The following ELP3 variants were observed in gnomAD, a reference collection of about 807,000 sequenced individuals.
ELP3 encodes the protein elongator complex protein 3.
Under a neutral mutation model 74.9 loss-of-function variants are expected in ELP3, and 56 were observed. The ratio of observed to expected loss-of-function variants is 0.75; its 90% CI spans 0.60 to 0.93. The LOEUF is 0.93. Among genes scored for constraint, ELP3 ranks in the 40% least tolerant of loss-of-function variants. ELP3 has a pLI of 0.00. For synonymous variants in ELP3, 222 were observed against 239.8 expected (o/e 0.93, Z 0.68); for missense variants, 573 against 686.5 (o/e 0.83, Z 1.85).
intron 13 of ELP3, among the ~76,000 whole-genome samples, chr8:28,160,697 G>A (rs1814041677): frequency 6.6e-6 from 1 of 152,128 alleles, no homozygotes; most frequent in Admixed American, 6.6e-5. Context: ...TGAACCACAT[G>A]GAATTGGTTT....
At chr8:28,182,451 C>T (rs1487362211) in intron 14 of ELP3, among the ~76,000 whole-genome samples, 1 of 152,142 alleles carries the variant, frequency 6.6e-6, no homozygotes, top group African/African-American at 2.4e-5. Context: ...ATCCCAGGTA[C>T]TCTGGAGGCT....
intron 11 of ELP3, among the ~76,000 whole-genome samples, chr8:28,156,877 A>G (rs1374184334): frequency 6.6e-6 from 1 of 152,178 alleles, no homozygotes; most frequent in Non-Finnish European, 1.5e-5. Flanking sequence ...ATGTTTCAGA[A>G]GATTGTTCAG....
intron 14 of ELP3, among the ~76,000 whole-genome samples, chr8:28,183,998 G>A (rs1330761836): frequency 6.6e-6 from 1 of 152,188 alleles, no homozygotes; most frequent in Non-Finnish European, 1.5e-5. Flanking sequence ...TTTCTTGGCT[G>A]GCTAACAAAA....
At chr8:28,118,992 C>T (rs960789167) in intron 7 of ELP3, 2 of 150,096 alleles carry the variant, frequency 1.3e-5, no homozygotes, top group South Asian at 2.2e-4. Context: ...AAGACAATTT[C>T]GTAGACTTGC....
intron 3 of ELP3, among the ~76,000 whole-genome samples, chr8:28,101,896 T>C (rs1372889248): frequency 6.6e-6 from 1 of 152,160 alleles, no homozygotes; most frequent in Non-Finnish European, 1.5e-5. Flanking sequence ...GGCCGACTTT[T>C]TAGAGTTAAG....
At chr8:28,177,347 T>G (rs3857878) in intron 14 of ELP3, among the ~76,000 whole-genome samples, 5 of 152,088 alleles carry the variant, frequency 3.3e-5, no homozygotes, top group African/African-American at 1.2e-4. Context: ...TGTACATTGT[T>G]GAAGAGTAAA....
chr8:28,104,388 G>C lies in ELP3; in HGVS notation c.259-2325G>C, dbSNP rs576262487. Among the ~76,000 whole-genome samples the C allele has an allele frequency of 4.6e-5, 7 of 152,256 alleles. No homozygotes were observed. In the South Asian group the frequency reaches 1.5e-3, roughly 32 times the overall value. Reference sequence around the variant, plus strand: ...TGAGTTTGTATTTGAGTTCGTGTTTGTGTTCTTGAAACACCATGGTTGTTA... The same window carrying C: ...TGAGTTTGTATTTGAGTTCGTGTTTCTGTTCTTGAAACACCATGGTTGTTA... On this transcript the variant is annotated intron_variant, in intron 3 of 14. Transcript: ENST00000256398.
chr8:28,134,798 A>G (rs530596394), intron 9 of ELP3, among the ~76,000 whole-genome samples: 8 of 152,044 alleles, frequency 5.3e-5, no homozygotes, highest in Non-Finnish European at 1.2e-4. Context: ...TTTTTTTTAT[A>G]CATTTTATTT....
At chr8:28,122,000 T>G (rs1158798960) in intron 7 of ELP3, among the ~76,000 whole-genome samples, 1 of 152,258 alleles carries the variant, frequency 6.6e-6, no homozygotes, top group African/African-American at 2.4e-5. Flanking sequence ...TTAGATTGAA[T>G]AAGTTTATTG....
At chr8:28,179,035 G>A (rs1024825422) in intron 14 of ELP3, among the ~76,000 whole-genome samples, 1 of 152,132 alleles carries the variant, frequency 6.6e-6, no homozygotes, top group Non-Finnish European at 1.5e-5. Flanking sequence ...ACTTATACTC[G>A]GATTTCTTTC....
chr8:28,135,164 G>A (rs1482797606), intron 9 of ELP3, among the ~76,000 whole-genome samples: 3 of 151,990 alleles, frequency 2.0e-5, no homozygotes, highest in Non-Finnish European at 4.4e-5. Context: ...TTCTGACCTC[G>A]TGATCCGCCC....
intron 14 of ELP3, among the ~76,000 whole-genome samples, chr8:28,184,991 T>G (rs1207038703): frequency 6.6e-6 from 1 of 150,778 alleles, no homozygotes; most frequent in African/African-American, 2.4e-5. Context: ...AAGAGAGAGA[T>G]CTCCTGGGTG....
intron 11 of ELP3, among the ~76,000 whole-genome samples, chr8:28,157,186 A>C (rs1347180979): frequency 3.3e-5 from 5 of 151,808 alleles, no homozygotes; most frequent in Non-Finnish European, 7.4e-5. Flanking sequence ...ATTGAGTCCA[A>C]AGGCTGGAAT....
intron 14 of ELP3, among the ~76,000 whole-genome samples, chr8:28,170,282 G>C (rs1814468478): frequency 6.6e-6 from 1 of 152,208 alleles, no homozygotes; most frequent in South Asian, 2.1e-4. Context: ...CCATTGCTTT[G>C]TGATTAGTAG....
chr8:28,160,673 GGAACATAACAGATT>G (rs1480431321), intron 13 of ELP3, among the ~76,000 whole-genome samples: 2 of 152,176 alleles, frequency 1.3e-5, no homozygotes, highest in Non-Finnish European at 1.5e-5. Context: ...TCAGTCAGTT[GGAACATAACAGATT>G]GAACCACATG....
intron 13 of ELP3, 111 bp downstream of exon 13, chr8:28,160,567 A>G (rs1244484004): frequency 2.8e-5 from 25 of 887,232 alleles, no homozygotes; most frequent in Non-Finnish European, 4.1e-5. Context: ...GAGAGGGGAA[A>G]GAGAAGCATA....
chr8:28,155,041 T>C (rs1267758280), intron 10 of ELP3, among the ~76,000 whole-genome samples: 1 of 152,228 alleles, frequency 6.6e-6, no homozygotes, highest in African/African-American at 2.4e-5. Context: ...AAGTAGCTAA[T>C]TGTATTTAAC....
chr8:28,166,093 A>T (rs1319647829), intron 14 of ELP3, among the ~76,000 whole-genome samples: 1 of 152,204 alleles, frequency 6.6e-6, no homozygotes, highest in Non-Finnish European at 1.5e-5. Flanking sequence ...GTTCAGTTTC[A>T]TCAGCATCAA....
At chr8:28,101,361 A>T (rs1033350435) in intron 3 of ELP3, among the ~76,000 whole-genome samples, 1 of 151,986 alleles carries the variant, frequency 6.6e-6, no homozygotes, top group African/African-American at 2.4e-5. Flanking sequence ...TGGAGCTTGC[A>T]GTGAGCTGAG....
Sources: allele counts gnomAD v4.1 joint callset (sites outside exome capture counted in the v4.1 genomes callset), GRCh38; gene constraint gnomAD v4.1.1; transcripts MANE v1.5; gene names NCBI Gene and HGNC (gene_info 2026-07-23, HGNC 2026-07-21).